The following ME1 variants were observed in gnomAD, a reference collection of about 807,000 sequenced individuals.
The protein encoded by ME1 is NADP-dependent malic enzyme.
ME1 carries 74 observed loss-of-function variants against 66.4 expected under a neutral mutation model. The observed-to-expected ratio is 1.11, with a 90% CI of 0.92 to 1.35. The LOEUF (loss-of-function observed/expected upper bound fraction) is 1.35. ME1 is among the 40% of genes most tolerant of loss of function. ME1 has a pLI of 0.00. For synonymous variants in ME1, 251 were observed against 235.6 expected, an observed-to-expected ratio of 1.07 and a Z score of -0.60; for missense variants, 750 against 694.1, an observed-to-expected ratio of 1.08 and a Z score of -0.90.
chr6:83,301,314 T>TTC (rs560570045), intron 6 of ME1, among the ~76,000 whole-genome samples: 1,993 of 141,376 alleles, frequency 0.014, 14 homozygotes, highest in South Asian at 0.034. Context: ...CTTTCTTTCT[T>TTC]TCTCTCTCTC....
At chr6:83,392,649 G>A in intron 3 of ME1, 1 of 589,786 alleles carries the variant, frequency 1.7e-6, no homozygotes, top group South Asian at 1.4e-5. Context: ...CTATTTTCCA[G>A]GGGCAAGATC....
intron 6 of ME1, among the ~76,000 whole-genome samples, chr6:83,259,228 A>G (rs1766836668): frequency 6.6e-6 from 1 of 152,172 alleles, no homozygotes; most frequent in South Asian, 2.1e-4. Flanking sequence ...CCCATTTTTT[A>G]TAATGTATTG....
intron 6 of ME1, among the ~76,000 whole-genome samples, chr6:83,290,514 C>T (rs370776195): frequency 1.3e-5 from 2 of 152,056 alleles, no homozygotes; most frequent in Non-Finnish European, 2.9e-5. Flanking sequence ...GATTTCTGTT[C>T]GTTTATATTT....
At chr6:83,272,288 ACT>A (rs1767096957) in intron 6 of ME1, among the ~76,000 whole-genome samples, 1 of 151,852 alleles carries the variant, frequency 6.6e-6, no homozygotes, top group East Asian at 1.9e-4. Flanking sequence ...AAGCCTAAAC[ACT>A]CTCATGAAAT....
At chr6:83,367,843 T>G (rs1353532540) in intron 3 of ME1, among the ~76,000 whole-genome samples, 1 of 152,232 alleles carries the variant, frequency 6.6e-6, no homozygotes, top group African/African-American at 2.4e-5. Flanking sequence ...GAATAGCACT[T>G]TTAATTTCAT....
intron 6 of ME1, among the ~76,000 whole-genome samples, chr6:83,308,923 G>C (rs1030255000): frequency 2.6e-5 from 4 of 151,916 alleles, no homozygotes; most frequent in Admixed American, 2.6e-4. Flanking sequence ...GGAGGTGAGA[G>C]AGCTAGTCAT....
intron 6 of ME1, among the ~76,000 whole-genome samples, chr6:83,277,901 A>AAATAATAATAATAACAATAATAAT (rs1554264916): frequency 5.8e-4 from 83 of 144,112 alleles, no homozygotes; most frequent in Middle Eastern, 3.7e-3. Context: ...CTGTATCTCA[A>AAATAATAATAATAACAATAATAAT]AATAATAATA....
chr6:83,248,448 C>G (rs1223996375), intron 7 of ME1, among the ~76,000 whole-genome samples: 2 of 152,066 alleles, frequency 1.3e-5, no homozygotes, highest in Non-Finnish European at 2.9e-5. Flanking sequence ...GGCACTTTAT[C>G]ATTATTATAC....
chr6:83,372,305 C>T (rs1014394944), intron 3 of ME1, among the ~76,000 whole-genome samples: 7 of 152,224 alleles, frequency 4.6e-5, no homozygotes, highest in African/African-American at 9.6e-5. Flanking sequence ...CACTTCCTCT[C>T]TCTTCAAACA....
chr6:83,330,281 T>C (rs190241125), intron 5 of ME1, among the ~76,000 whole-genome samples: 223 of 152,334 alleles, frequency 1.5e-3, no homozygotes, highest in Middle Eastern at 3.4e-3. Flanking sequence ...TCTCATTTTT[T>C]GTTATGGATT....
At chr6:83,285,019 G>A (rs1273475671) in intron 6 of ME1, among the ~76,000 whole-genome samples, 1 of 152,174 alleles carries the variant, frequency 6.6e-6, no homozygotes, top group Admixed American at 6.6e-5. Context: ...ATAGCACTGT[G>A]ATAAACATAT....
At chr6:83,293,585 C>CTT (rs1767543148) in intron 6 of ME1, among the ~76,000 whole-genome samples, 1 of 152,070 alleles carries the variant, frequency 6.6e-6, no homozygotes, top group Non-Finnish European at 1.5e-5. Flanking sequence ...ATGCCTAGAG[C>CTT]TTTAACCAGA....
chr6:83,346,317 A>G lies in ME1; in HGVS notation c.456T>C (p.Asp152=), dbSNP rs1205050377. 2 of 1,607,712 alleles carry G rather than the reference A, an allele frequency of 1.2e-6. No individual in the cohort carries two copies. The highest frequency in any genetic ancestry group is 1.7e-6 in the Non-Finnish European group (2 of 1,176,848). ...CTCCCAAGCCAAGAATACGCTCTCC[A>G]TCAGTCACCACAATGGCCTGGAAGA... The part of the protein sequence containing the change: ...EDVIKAIVVT[D]GERILGLGDL... Residue 152 remains aspartate, a synonymous_variant, in exon 5 of 14, where the codon GAT becomes GAC. Transcript: ENST00000369705.
chr6:83,329,182 AGAGC>A (rs1768359805), intron 5 of ME1, among the ~76,000 whole-genome samples: 1 of 152,158 alleles, frequency 6.6e-6, no homozygotes, highest in African/African-American at 2.4e-5. Context: ...GAAATGTTTG[AGAGC>A]ACTGAAAAGT....
At chr6:83,219,665 C>T (rs1284795656) in intron 12 of ME1, among the ~76,000 whole-genome samples, 1 of 151,910 alleles carries the variant, frequency 6.6e-6, no homozygotes, top group Non-Finnish European at 1.5e-5. Context: ...GGCAATCTCC[C>T]TTAGCTTGGG....
intron 12 of ME1, among the ~76,000 whole-genome samples, chr6:83,220,057 A>G (rs1296931591): frequency 6.6e-6 from 1 of 152,208 alleles, no homozygotes; most frequent in East Asian, 1.9e-4. Flanking sequence ...TTTATATGAC[A>G]TAATATGTGT....
intron 5 of ME1, among the ~76,000 whole-genome samples, chr6:83,330,851 G>A (rs1363725658): frequency 2.6e-5 from 4 of 152,102 alleles, no homozygotes; most frequent in Non-Finnish European, 4.4e-5. Context: ...GGGGCAAAAT[G>A]AGACCACAAA....
At chr6:83,312,041 A>G (rs1048644846) in intron 6 of ME1, among the ~76,000 whole-genome samples, 1 of 152,188 alleles carries the variant, frequency 6.6e-6, no homozygotes, top group South Asian at 2.1e-4. Context: ...CCCAGAACCC[A>G]TAAACTGAAG....
At chr6:83,424,745 C>T (rs12208468) in intron 1 of ME1, among the ~76,000 whole-genome samples, 37,971 of 152,046 alleles carry the variant, frequency 0.25, 5,445 homozygotes, top group Middle Eastern at 0.44. Flanking sequence ...CACAACAAAG[C>T]GTCACACACT....
Sources: allele counts gnomAD v4.1 joint callset (sites outside exome capture counted in the v4.1 genomes callset), GRCh38; gene constraint gnomAD v4.1.1; transcripts MANE v1.5; gene names NCBI Gene and HGNC (gene_info 2026-07-23, HGNC 2026-07-21).